Variants in MAGI2 observed in about 807,000 individuals in gnomAD.
MAGI2 encodes the protein membrane associated guanylate kinase, WW and PDZ domain containing 2.
MAGI2 carries 35 observed loss-of-function variants against 133.3 expected under a neutral mutation model. The ratio of observed to expected loss-of-function variants is 0.26; its 90% confidence interval spans 0.20 to 0.35. The LOEUF is 0.35. MAGI2 is among the 10% of genes least tolerant of loss of function. The probability of loss-of-function intolerance (pLI) is 1.00; values close to 1 mark genes in which losing one functional copy is unlikely to be tolerated. For synonymous variants in MAGI2, 729 were observed against 710.6 expected, an observed-to-expected ratio of 1.03 and a Z score of -0.41; for missense variants, 1,636 against 1,863.4, an observed-to-expected ratio of 0.88 and a Z score of 2.25.
chr7:78,285,384 T>TTTTTTTTTTTTTTTTTTTTTGAGACG (rs1796039831), intron 9 of MAGI2, among the ~76,000 whole-genome samples: 1 of 152,178 alleles, frequency 6.6e-6, no homozygotes, highest in African/African-American at 2.4e-5. Context: ...TTCAATTTTT[T>TTTTTTTTTTTTTTTTTTTTTGAGACG]GAATGCTTCC....
chr7:79,164,307 T>C (rs1048435974), intron 1 of MAGI2, among the ~76,000 whole-genome samples: 1 of 152,082 alleles, frequency 6.6e-6, no homozygotes, highest in Non-Finnish European at 1.5e-5. Context: ...GACTCTGGCA[T>C]AACATTATGT....
intron 1 of MAGI2, among the ~76,000 whole-genome samples, chr7:79,072,137 T>A (rs1584858344): frequency 6.6e-6 from 1 of 152,018 alleles, no homozygotes; most frequent in East Asian, 1.9e-4. Context: ...GTCCAACCAG[T>A]CTCAATGAAA....
chr7:78,669,337 C>G (rs1369725071), intron 2 of MAGI2, among the ~76,000 whole-genome samples: 3 of 151,666 alleles, frequency 2.0e-5, no homozygotes, highest in Non-Finnish European at 4.4e-5. Context: ...TGGATAAATT[C>G]CTCAACACAT....
chr7:78,298,971 A>G (rs1797585011), intron 9 of MAGI2, among the ~76,000 whole-genome samples: 1 of 151,860 alleles, frequency 6.6e-6, no homozygotes, highest in Admixed American at 6.6e-5. Flanking sequence ...GCACGCCACC[A>G]TGCCCAGCTA....
chr7:79,027,775 G>A (rs1483402706), intron 1 of MAGI2, among the ~76,000 whole-genome samples: 1 of 151,914 alleles, frequency 6.6e-6, no homozygotes, highest in African/African-American at 2.4e-5. Context: ...GCATCATTTT[G>A]TAATCTATAA....
intron 1 of MAGI2, among the ~76,000 whole-genome samples, chr7:79,333,089 T>C (rs1420271494): frequency 1.3e-5 from 2 of 152,184 alleles, no homozygotes; most frequent in Non-Finnish European, 2.9e-5. Flanking sequence ...AATCTACTAA[T>C]AAATTTACTT....
intron 6 of MAGI2, among the ~76,000 whole-genome samples, chr7:78,457,216 T>A (rs1433646497): frequency 6.6e-6 from 1 of 152,234 alleles, no homozygotes; most frequent in Non-Finnish European, 1.5e-5. Context: ...CATAGTTGGC[T>A]TTCACAGTGT....
intron 1 of MAGI2, among the ~76,000 whole-genome samples, chr7:79,019,618 C>T (rs977687413): frequency 1.2e-4 from 18 of 151,776 alleles, no homozygotes; most frequent in Non-Finnish European, 2.4e-4. Flanking sequence ...GATCTCAGCT[C>T]GCTTCCACTT....
At chr7:78,695,718 G>T (rs1009471045) in intron 2 of MAGI2, among the ~76,000 whole-genome samples, 1 of 152,074 alleles carries the variant, frequency 6.6e-6, no homozygotes, top group African/African-American at 2.4e-5. Flanking sequence ...AGGATTTAGT[G>T]GGGGGAAAAA....
At chr7:78,423,383 A>C (rs1798977350) in intron 6 of MAGI2, among the ~76,000 whole-genome samples, 1 of 152,194 alleles carries the variant, frequency 6.6e-6, no homozygotes, top group South Asian at 2.1e-4. Flanking sequence ...GTCCAATTAA[A>C]CCTCTTTCTT....
intron 1 of MAGI2, among the ~76,000 whole-genome samples, chr7:79,016,527 C>G (rs1808751568): frequency 6.6e-6 from 1 of 152,138 alleles, no homozygotes; most frequent in Admixed American, 6.5e-5. Flanking sequence ...ATGCCCTTCT[C>G]CTACCACAGT....
intron 3 of MAGI2, among the ~76,000 whole-genome samples, chr7:78,600,152 A>G (rs1468813618): frequency 6.6e-6 from 1 of 152,210 alleles, no homozygotes; most frequent in Admixed American, 6.5e-5. Context: ...ATAATCTTTT[A>G]AATTTACCTA....
intron 9 of MAGI2, among the ~76,000 whole-genome samples, chr7:78,308,055 A>G (rs532577543): frequency 4.3e-4 from 66 of 152,356 alleles, no homozygotes; most frequent in African/African-American, 1.5e-3. Context: ...AATCAAAGAG[A>G]ACCAAGCTCA....
chr7:78,718,013 AT>A (rs1346908404), intron 2 of MAGI2, among the ~76,000 whole-genome samples: 1 of 152,080 alleles, frequency 6.6e-6, no homozygotes, highest in African/African-American at 2.4e-5. Context: ...GTCATTCTGC[AT>A]TTTTTTCACT....
At chr7:78,322,045 T>A (rs936061495) in intron 9 of MAGI2, among the ~76,000 whole-genome samples, 4 of 152,050 alleles carry the variant, frequency 2.6e-5, no homozygotes, top group Non-Finnish European at 4.4e-5. Flanking sequence ...GAAATGCAAA[T>A]CAAAACCACA....
At chr7:78,790,257 A>C (rs1016295649) in intron 2 of MAGI2, among the ~76,000 whole-genome samples, 2 of 152,176 alleles carry the variant, frequency 1.3e-5, no homozygotes, top group African/African-American at 4.8e-5. Context: ...TGGCTGTCTT[A>C]CTTGGCAATA....
intron 20 of MAGI2, among the ~76,000 whole-genome samples, chr7:78,091,501 C>A (rs1303323606): frequency 6.6e-6 from 1 of 152,144 alleles, no homozygotes; most frequent in African/African-American, 2.4e-5. Context: ...GACTAAGACA[C>A]CAATTAAAGC....
intron 1 of MAGI2, among the ~76,000 whole-genome samples, chr7:79,194,707 T>G (rs1188493405): frequency 6.6e-6 from 1 of 151,858 alleles, no homozygotes; most frequent in African/African-American, 2.4e-5. Context: ...GCTTTTTTGA[T>G]GTCTCAGTGA....
intron 21 of MAGI2, among the ~76,000 whole-genome samples, chr7:78,037,478 C>T (rs1346177932): frequency 6.6e-6 from 1 of 152,188 alleles, no homozygotes; most frequent in Non-Finnish European, 1.5e-5. Flanking sequence ...TGCGAACAGT[C>T]CCAGAATTCC....
Sources: gnomAD v4.1 joint callset for allele counts (sites outside exome capture counted in the v4.1 genomes callset) on GRCh38, gnomAD v4.1.1 for gene constraint, MANE v1.5 for transcripts, NCBI Gene and HGNC (gene_info 2026-07-23, HGNC 2026-07-21) for gene names.